ATXN1: variants seen among roughly 807,000 people sequenced by gnomAD.
ATXN1 encodes ataxin-1.
A neutral mutation model predicts 56.4 loss-of-function variants in ATXN1; 8 were observed. That is an observed-to-expected ratio of 0.14 (90% CI 0.08 to 0.26). The LOEUF (loss-of-function observed/expected upper bound fraction) is 0.26, where lower values mean the gene tolerates loss of function less well. Among genes scored for constraint, ATXN1 ranks in the 10% least tolerant of loss-of-function variants. The pLI, the probability that ATXN1 is intolerant of heterozygous loss-of-function variation, is 1.00. For missense variants in ATXN1, 987 were observed against 1,106.5 expected, an observed-to-expected ratio of 0.89 and a Z score of 1.53; for synonymous variants, 514 against 494.6, an observed-to-expected ratio of 1.04 and a Z score of -0.52.
At chr6:16,492,646 T>C (rs952440147) in intron 5 of ATXN1, among the ~76,000 whole-genome samples, 2 of 152,042 alleles carry the variant, frequency 1.3e-5, no homozygotes, top group African/African-American at 4.8e-5. Context: ...GAGATGGTAC[T>C]TTCTTGGGTT....
chr6:16,328,316 G>C lies in ATXN1; in HGVS notation c.-6C>G. 1.3e-6 allele frequency: 2 copies of C among 1,499,010 alleles called. No individual in the cohort carries two copies. The allele number at this position is 1,499,010 out of a possible 1,614,324, so 92.9% of individuals were successfully genotyped here. ...CGCTCTTGGTTGGATTTCATTTTTC[G>C]CCGTCCCCCCTCCACGGTGACTGTT... On this transcript the variant is annotated 5_prime_UTR_variant, in exon 7 of 8. Coordinates refer to ENST00000436367, the MANE Select transcript of ATXN1 (RefSeq NM_001128164.2). The surrounding 1 kb of genome is among the most constrained non-coding windows in gnomAD (Gnocchi z 6.2).
chr6:16,729,695 T>C (rs1210450728), intron 2 of ATXN1, among the ~76,000 whole-genome samples: 1 of 152,200 alleles, frequency 6.6e-6, no homozygotes, highest in African/African-American at 2.4e-5. Flanking sequence ...TACTGAGATC[T>C]CACAGCCCAC....
At chr6:16,376,075 T>C (rs1288828771) in intron 6 of ATXN1, among the ~76,000 whole-genome samples, 1 of 152,240 alleles carries the variant, frequency 6.6e-6, no homozygotes, top group Admixed American at 6.5e-5. Flanking sequence ...TCTGCATGGT[T>C]ACATAAGCCT....
chr6:16,682,203 C>CTT (rs10528588), intron 2 of ATXN1, among the ~76,000 whole-genome samples: 16 of 116,960 alleles, frequency 1.4e-4, no homozygotes, highest in African/African-American at 4.9e-4. Context: ...CTGGGGAGAA[C>CTT]TTTTTTTTTT....
At position 16,534,970 on chromosome 6, in the gene ATXN1, G is replaced by A. The variant is rs552141533; in HGVS notation, c.-360-12282C>T. 3.9e-4 allele frequency among the ~76,000 whole-genome samples: 59 copies of A among 152,300 alleles called. No individual in the cohort carries two copies. The South Asian group carries it at 0.012, about 31-fold the overall frequency. The stretch of plus-strand genomic sequence containing the variant: ...GAGGGCAGGGGTCTGTGAGGGCAGG[G>A]CATCTGCCCACAGGAATAAGCACAG... On this transcript the variant is annotated intron_variant, in intron 4 of 7. Coordinates refer to ENST00000436367, the MANE Select transcript of ATXN1 (RefSeq NM_001128164.2).
intron 4 of ATXN1, among the ~76,000 whole-genome samples, chr6:16,572,215 G>C (rs1243026560): frequency 6.6e-6 from 1 of 152,084 alleles, no homozygotes; most frequent in African/African-American, 2.4e-5. Flanking sequence ...ACTATAAAAA[G>C]GGTTAATTTT....
intron 6 of ATXN1, among the ~76,000 whole-genome samples, chr6:16,386,584 GT>G (rs2113514483): frequency 6.6e-6 from 1 of 152,302 alleles, no homozygotes; most frequent in South Asian, 2.1e-4. Flanking sequence ...GAGAGCAAAT[GT>G]GGGAGCTCCT....
At chr6:16,566,639 G>T (rs1762224386) in intron 4 of ATXN1, among the ~76,000 whole-genome samples, 1 of 152,016 alleles carries the variant, frequency 6.6e-6, no homozygotes. Flanking sequence ...GGATCACGAG[G>T]TCAGGAGATC....
chr6:16,501,577 G>A (rs917181699), intron 5 of ATXN1, among the ~76,000 whole-genome samples: 5 of 152,108 alleles, frequency 3.3e-5, no homozygotes, highest in African/African-American at 4.8e-5. Context: ...TGCGGTGTTT[G>A]GTTTTCTGTT....
chr6:16,733,874 G>A (rs952862800), intron 2 of ATXN1, among the ~76,000 whole-genome samples: 2 of 151,686 alleles, frequency 1.3e-5, no homozygotes, highest in Non-Finnish European at 2.9e-5. Context: ...CTGGCTGGGT[G>A]GAGTGGCTCA....
chr6:16,553,621 T>C (rs540749580), intron 4 of ATXN1, among the ~76,000 whole-genome samples: 2 of 152,326 alleles, frequency 1.3e-5, no homozygotes, highest in East Asian at 1.9e-4. Flanking sequence ...AAAATATCAG[T>C]TGACAGACTG....
intron 6 of ATXN1, among the ~76,000 whole-genome samples, chr6:16,471,196 A>G (rs1760210150): frequency 6.6e-6 from 1 of 150,384 alleles, no homozygotes; most frequent in Non-Finnish European, 1.5e-5. Flanking sequence ...ATTAAAACAC[A>G]CACACACACA....
intron 3 of ATXN1, among the ~76,000 whole-genome samples, chr6:16,651,221 G>A (rs1763886640): frequency 6.6e-6 from 1 of 152,146 alleles, no homozygotes; most frequent in Non-Finnish European, 1.5e-5. Flanking sequence ...CCCGAGAGTG[G>A]AGAAGAGTGG....
At chr6:16,619,571 A>T (rs1303919378) in intron 3 of ATXN1, among the ~76,000 whole-genome samples, 2 of 152,176 alleles carry the variant, frequency 1.3e-5, no homozygotes, top group Non-Finnish European at 2.9e-5. Context: ...GATCCCAGTT[A>T]AAAAATCTAT....
chr6:16,517,304 G>A (rs1016577663), intron 5 of ATXN1, among the ~76,000 whole-genome samples: 8 of 152,162 alleles, frequency 5.3e-5, no homozygotes, highest in African/African-American at 1.9e-4. Context: ...AGAGGTAGCA[G>A]AGAAAAAAAG....
chr6:16,736,604 G>A lies in ATXN1; in HGVS notation c.-615+16629C>T, dbSNP rs557988734. 2.0e-5 allele frequency among the ~76,000 whole-genome samples: 3 copies of A among 152,282 alleles called. No homozygotes were observed. In the South Asian group the frequency reaches 6.2e-4, roughly 32 times the overall value. ...GATACTGATTACTCACAAGAACAAAGGGAAATCCAATTGAAGGATTAAATT... is the reference window on the plus strand; with the variant it reads ...GATACTGATTACTCACAAGAACAAAAGGAAATCCAATTGAAGGATTAAATT... On this transcript the variant is annotated intron_variant, in intron 2 of 7. Transcript: ENST00000436367.
At chr6:16,548,535 T>C (rs1485514300) in intron 4 of ATXN1, among the ~76,000 whole-genome samples, 1 of 152,238 alleles carries the variant, frequency 6.6e-6, no homozygotes, top group African/African-American at 2.4e-5. Flanking sequence ...CATCATCCAC[T>C]TTAAAGTTGT....
chr6:16,661,357 G>A (rs9367923), intron 2 of ATXN1, among the ~76,000 whole-genome samples: 84,555 of 151,898 alleles, frequency 0.56, 26,479 homozygotes, highest in East Asian at 0.85. Context: ...GGCCTTGTAG[G>A]CCATTGTAAA....
At chr6:16,759,530 G>GTTT (rs1046854905) in intron 1 of ATXN1, among the ~76,000 whole-genome samples, 1,186 of 45,972 alleles carry the variant, frequency 0.026, 356 homozygotes, top group East Asian at 0.12. Context: ...TCTTCCGACT[G>GTTT]TTTTTTTTTT....
Sources: gnomAD v4.1 joint callset for allele counts (sites outside exome capture counted in the v4.1 genomes callset) on GRCh38, gnomAD v4.1.1 for gene constraint, Gnocchi (gnomAD v3.1) non-coding constraint, MANE v1.5 for transcripts, NCBI Gene and HGNC (gene_info 2026-07-23, HGNC 2026-07-21) for gene names.